Variants in TMEM232 observed in about 807,000 individuals in gnomAD.
TMEM232 encodes transmembrane protein 232.
TMEM232 carries 80 observed loss-of-function variants against 78.8 expected under a neutral mutation model. The observed-to-expected ratio is 1.01, with a 90% CI of 0.85 to 1.22. TMEM232 has a LOEUF of 1.22. TMEM232 is among the 50% of genes most tolerant of loss of function. TMEM232 has a pLI of 0.00. For missense variants in TMEM232, 881 were observed against 742.2 expected (o/e 1.19, Z -2.17); for synonymous variants, 297 against 254.3 (o/e 1.17, Z -1.60).
intron 11 of TMEM232, among the ~76,000 whole-genome samples, chr5:110,550,905 T>A (rs1450614498): frequency 6.7e-6 from 1 of 149,578 alleles, no homozygotes; most frequent in Non-Finnish European, 1.5e-5. Flanking sequence ...TCAGATAATC[T>A]AGAACAGGGT....
At chr5:110,553,245 AC>A (rs1774677022) in intron 11 of TMEM232, among the ~76,000 whole-genome samples, 1 of 152,014 alleles carries the variant, frequency 6.6e-6, no homozygotes, top group African/African-American at 2.4e-5. Context: ...GAATTTGAGA[AC>A]TTTTTTTTCT....
intron 11 of TMEM232, among the ~76,000 whole-genome samples, chr5:110,532,597 T>C (rs1354078460): frequency 6.6e-6 from 1 of 151,954 alleles, no homozygotes; most frequent in Non-Finnish European, 1.5e-5. Flanking sequence ...CCAGTTCCCT[T>C]ATTAGGCTGA....
At chr5:110,646,946 T>TTTCTTC (rs1014100097) in intron 2 of TMEM232, among the ~76,000 whole-genome samples, 2 of 151,770 alleles carry the variant, frequency 1.3e-5, no homozygotes, top group South Asian at 4.1e-4. Flanking sequence ...TTTGTTTTTT[T>TTTCTTC]TTCTTCTTCT....
intron 3 of TMEM232, among the ~76,000 whole-genome samples, chr5:110,397,586 T>A (rs893420104): frequency 1.3e-5 from 2 of 152,164 alleles, no homozygotes; most frequent in African/African-American, 4.8e-5. Flanking sequence ...AACCAATTTA[T>A]GTAATGGAAC....
chr5:110,453,921 A>AGGCCGGGCGCGGTGGCTC (rs1760593855), intron 12 of TMEM232, among the ~76,000 whole-genome samples: 1 of 152,212 alleles, frequency 6.6e-6, no homozygotes, highest in Non-Finnish European at 1.5e-5. Flanking sequence ...AGAACATTAC[A>AGGCCGGGCGCGGTGGCTC]ATGTGATTAA....
rs150980989 is a variant in TMEM232, at chr5:110,594,465, C to G, written c.1276+10644G>C. On this transcript the variant is annotated intron_variant, in intron 10 of 13. Coordinates refer to ENST00000455884, the MANE Select transcript of TMEM232 (RefSeq NM_001039763.4). ...AACCCCAGCAAGACAGAACTGTTCT[C>G]TAACCTGGAAAGGGGGCTGAAACCA... 2.0e-5 allele frequency among the ~76,000 whole-genome samples: 3 copies of G among 152,216 alleles called. No individual in the cohort carries two copies. In the East Asian group the frequency reaches 5.8e-4, roughly 29 times the overall value.
intron 7 of TMEM232, among the ~76,000 whole-genome samples, chr5:110,621,439 T>A (rs947298372): frequency 6.6e-6 from 1 of 152,116 alleles, no homozygotes; most frequent in African/African-American, 2.4e-5. Context: ...TTAGACACTT[T>A]CATAACAATT....
chr5:110,674,064 G>A (rs1791722354), intron 1 of TMEM232, among the ~76,000 whole-genome samples: 1 of 149,394 alleles, frequency 6.7e-6, no homozygotes, highest in Middle Eastern at 3.3e-3. Context: ...CAAAATATCT[G>A]AGAAAATGTA....
intron 8 of TMEM232, 62 bp downstream of exon 8, chr5:110,618,367 T>A: frequency 6.5e-7 from 1 of 1,533,618 alleles, no homozygotes; most frequent in Non-Finnish European, 8.8e-7. Context: ...ACAAGGGTTA[T>A]TTAACATTTA....
intron 11 of TMEM232, among the ~76,000 whole-genome samples, chr5:110,544,439 A>C (rs1773526342): frequency 7.5e-6 from 1 of 133,306 alleles, no homozygotes; most frequent in Admixed American, 7.2e-5. Flanking sequence ...ATACACACAT[A>C]TCAAAAAAAA....
chr5:110,550,904 C>T (rs1774378793), intron 11 of TMEM232, among the ~76,000 whole-genome samples: 1 of 147,574 alleles, frequency 6.8e-6, no homozygotes, highest in Non-Finnish European at 1.5e-5. Flanking sequence ...TTCAGATAAT[C>T]TAGAACAGGG....
intron 12 of TMEM232, among the ~76,000 whole-genome samples, chr5:110,430,386 G>C (rs906683936): frequency 6.6e-6 from 1 of 150,772 alleles, no homozygotes; most frequent in South Asian, 2.1e-4. Flanking sequence ...AGCCCAAATA[G>C]GTTAATATTC....
chr5:110,401,351 A>G (rs1400838600), intron 2 of TMEM232, among the ~76,000 whole-genome samples: 4 of 151,246 alleles, frequency 2.6e-5, no homozygotes, highest in Middle Eastern at 3.4e-3. Context: ...TCAATAATGG[A>G]TTTTCTTTAG....
chr5:110,710,255 A>T (rs1298016624), intron 1 of TMEM232, among the ~76,000 whole-genome samples: 1 of 152,074 alleles, frequency 6.6e-6, no homozygotes, highest in Non-Finnish European at 1.5e-5. Flanking sequence ...CAATAATATC[A>T]AATCCATAAT....
At chr5:110,438,671 C>T (rs12513391) in intron 12 of TMEM232, among the ~76,000 whole-genome samples, 9,469 of 152,042 alleles carry the variant, frequency 0.062, 614 homozygotes, top group East Asian at 0.21. Context: ...AGAATTCAAA[C>T]GGACCAGAAC....
chr5:110,655,247 A>G (rs1388151852), intron 2 of TMEM232, among the ~76,000 whole-genome samples: 2 of 151,972 alleles, frequency 1.3e-5, no homozygotes, highest in Non-Finnish European at 1.5e-5. Flanking sequence ...TGGGCAAAGG[A>G]TATGAACAGA....
chr5:110,440,021 A>C (rs913134626), intron 12 of TMEM232, among the ~76,000 whole-genome samples: 3 of 152,184 alleles, frequency 2.0e-5, no homozygotes, highest in African/African-American at 7.2e-5. Context: ...ATGACACAGT[A>C]AAATTTTGTT....
chr5:110,514,940 C>T (rs10051407), intron 12 of TMEM232, among the ~76,000 whole-genome samples: 6 of 152,048 alleles, frequency 3.9e-5, no homozygotes, highest in South Asian at 2.1e-4. Context: ...AAAAATCATA[C>T]GGCAGAAATT....
intron 5 of TMEM232, among the ~76,000 whole-genome samples, chr5:110,631,764 T>C (rs559967883): frequency 2.6e-5 from 4 of 152,092 alleles, no homozygotes; most frequent in Admixed American, 1.3e-4. Context: ...GAAGACTGCA[T>C]TGTAGCCATC....
Sources: allele counts gnomAD v4.1 joint callset (sites outside exome capture counted in the v4.1 genomes callset), GRCh38; gene constraint gnomAD v4.1.1; transcripts MANE v1.5; gene names NCBI Gene and HGNC (gene_info 2026-07-23, HGNC 2026-07-21).